Variants in PCDHGA5 observed in about 807,000 individuals in gnomAD.
PCDHGA5 encodes protocadherin gamma-A5.
PCDHGA5 carries 36 observed loss-of-function variants against 56.7 expected under a neutral mutation model. That is an observed-to-expected ratio of 0.64 (90% confidence interval 0.49 to 0.84). The LOEUF (loss-of-function observed/expected upper bound fraction) is 0.84. Among genes scored for constraint, PCDHGA5 ranks in the 40% least tolerant of loss-of-function variants. The pLI, the probability that PCDHGA5 is intolerant of heterozygous loss-of-function variation, is 0.00. For synonymous variants in PCDHGA5, 563 were observed against 520.2 expected, an observed-to-expected ratio of 1.08 and a Z score of -1.12; for missense variants, 1,305 against 1,201.5, an observed-to-expected ratio of 1.09 and a Z score of -1.27.
intron 1 of PCDHGA5, among the ~76,000 whole-genome samples, chr5:141,434,245 T>G (rs921135977): frequency 3.3e-5 from 5 of 152,224 alleles, no homozygotes; most frequent in African/African-American, 1.2e-4. Context: ...CTAGATGACT[T>G]GGGCATTGTG....
intron 1 of PCDHGA5, among the ~76,000 whole-genome samples, chr5:141,407,310 T>C (rs1468156890): frequency 6.6e-6 from 1 of 152,224 alleles, no homozygotes; most frequent in Non-Finnish European, 1.5e-5. Context: ...GTAGCCTTCA[T>C]ACTTAGTATT....
At chr5:141,395,140 C>T in intron 1 of PCDHGA5, 1 of 1,614,212 alleles carries the variant, frequency 6.2e-7, no homozygotes, top group Non-Finnish European at 8.5e-7. Flanking sequence ...CCCAACTACG[C>T]AGACATGCTC....
At position 141,431,549 on chromosome 5, in the gene PCDHGA5, G is replaced by A. The variant is rs750427346; in HGVS notation, c.2422-63258G>A. ...GGCCTTGGGCACGCAGCTGCTTGTA[G>A]TCAACGCTACCGACCCTGACGAAGG... On this transcript the variant is annotated intron_variant, in intron 1 of 3. Coordinates refer to ENST00000518069, the MANE Select transcript of PCDHGA5 (RefSeq NM_018918.3). This position sits in a 1 kb window ranked among gnomAD's most constrained non-coding sequence, Gnocchi z 4.8. The A allele has an allele frequency of 6.2e-7, 1 of 1,614,156 alleles. No homozygotes were observed. Among genetic ancestry groups the A allele is most frequent in the South Asian group, 1.1e-5 (1 of 91,090 alleles).
At chr5:141,375,802 T>A (rs754541889) in intron 1 of PCDHGA5, 3 of 1,614,190 alleles carry the variant, frequency 1.9e-6, no homozygotes, top group East Asian at 2.2e-5. Flanking sequence ...ACGGTTCCAC[T>A]GGCGTGGAGC....
chr5:141,384,425 C>T lies in PCDHGA5; in HGVS notation c.2421+17674C>T. ...GTGTCCTCCTATGTCTCCATAAACT[C>T]TGACACTGGAGTCCTGTACGCGCTG... On this transcript the variant is annotated intron_variant, in intron 1 of 3. Coordinates refer to ENST00000518069, the MANE Select transcript of PCDHGA5 (RefSeq NM_018918.3). 1.9e-6 allele frequency: 3 copies of T among 1,613,982 alleles called. No individual in the cohort carries two copies. The South Asian group carries it at 3.3e-5, about 18-fold the overall frequency.
intron 1 of PCDHGA5, among the ~76,000 whole-genome samples, chr5:141,481,259 C>T (rs1176419744): frequency 1.3e-5 from 2 of 152,146 alleles, no homozygotes; most frequent in African/African-American, 4.8e-5. Context: ...TCTAAAAGAT[C>T]ACTGTAGGAA....
chr5:141,477,861 G>T lies in PCDHGA5; in HGVS notation c.2422-16946G>T. 6.2e-7 allele frequency: 1 copy of T among 1,612,714 alleles called. No homozygotes were observed. Among genetic ancestry groups the T allele is most frequent in the Non-Finnish European group, 8.5e-7 (1 of 1,179,590 alleles). ...GGGAGCTCGGTGGAGATGCTGCCTC[G>T]AGGTACCTCAGCTGGCCACCTAGTG... On this transcript the variant is annotated intron_variant, in intron 1 of 3. Coordinates refer to ENST00000518069, the MANE Select transcript of PCDHGA5 (RefSeq NM_018918.3). This position sits in a 1 kb window ranked among gnomAD's most constrained non-coding sequence, Gnocchi z 4.9.
intron 1 of PCDHGA5, among the ~76,000 whole-genome samples, chr5:141,484,288 C>T (rs1300726429): frequency 6.6e-6 from 1 of 152,176 alleles, no homozygotes; most frequent in African/African-American, 2.4e-5. Context: ...AAACATCTCC[C>T]TCTCCTGGCT....
In PCDHGA5 at chr5:141,428,425, T is replaced by A. The variant is rs1193842204; in HGVS notation, c.2421+61674T>A. ...GGGTTGCTTTCACCCTGGTCTCTGT[T>A]CTAAGACTAGACCAGGGGTTTTTCC... On this transcript the variant is annotated intron_variant, in intron 1 of 3. Transcript: ENST00000518069. 4 of 436,598 alleles carry A rather than the reference T, an allele frequency of 9.2e-6. No homozygotes were observed. In the East Asian group the frequency reaches 1.9e-4, roughly 21 times the overall value. 27.0% of individuals were successfully genotyped at this position (436,598 alleles called of 1,614,324 possible). A position where few individuals can be genotyped will look rare whatever the true frequency, so the allele number is the denominator to read the frequency against.
At position 141,370,581 on chromosome 5, in the gene PCDHGA5, A is replaced by G. The variant is rs750222191; in HGVS notation, c.2421+3830A>G. 6.2e-6 allele frequency: 10 copies of G among 1,613,758 alleles called. No homozygotes were observed. The Admixed American group carries it at 1.0e-4, about 16-fold the overall frequency. ...GGGGTTTGGCGTGGGGGATTTACCT[A>G]CTAGGAACCTGCGGGTTATTGCAGA... On this transcript the variant is annotated intron_variant, in intron 1 of 3. Coordinates refer to ENST00000518069, the MANE Select transcript of PCDHGA5 (RefSeq NM_018918.3).
chr5:141,409,447 A>C, intron 1 of PCDHGA5: 1 of 1,614,008 alleles, frequency 6.2e-7, no homozygotes, highest in Non-Finnish European at 8.5e-7. Context: ...GAGAGCAGAC[A>C]CCAGAATACA....
At chr5:141,393,709 G>A (rs941272065) in intron 1 of PCDHGA5, 14 of 1,613,826 alleles carry the variant, frequency 8.7e-6, no homozygotes, top group Non-Finnish European at 9.3e-6. Context: ...GAAAATACTG[G>A]GGAAATATCA....
chr5:141,425,426 A>T (rs1227154364), intron 1 of PCDHGA5, among the ~76,000 whole-genome samples: 1 of 152,236 alleles, frequency 6.6e-6, no homozygotes, highest in African/African-American at 2.4e-5. Flanking sequence ...AGTCCCATTA[A>T]ATAGAGGATA....
Position 141,432,403 on chromosome 5 carries a change from G to A in PCDHGA5, c.2422-62404G>A, listed in dbSNP as rs1279890312. The A allele has an allele frequency of 6.2e-7, 1 of 1,614,242 alleles. No homozygotes were observed. The highest frequency in any genetic ancestry group is 8.5e-7 in the Non-Finnish European group (1 of 1,180,052). On this transcript the variant is annotated intron_variant, in intron 1 of 3. Coordinates refer to ENST00000518069, the MANE Select transcript of PCDHGA5 (RefSeq NM_018918.3). The surrounding 1 kb of genome is among the most constrained non-coding windows in gnomAD (Gnocchi z 6.0). ...CGCCCCTCAGCAGCAACGTGTCGTT[G>A]AGCCTGTTCGTGCTGGACCAGAACG...
At chr5:141,472,256 T>C (rs2099275290) in intron 1 of PCDHGA5, among the ~76,000 whole-genome samples, 1 of 152,176 alleles carries the variant, frequency 6.6e-6, no homozygotes, top group South Asian at 2.1e-4. Flanking sequence ...TAAAGTTATA[T>C]TATAGCCGGG....
chr5:141,427,881 C>T (rs774499492), intron 1 of PCDHGA5: 6 of 1,563,720 alleles, frequency 3.8e-6, no homozygotes, highest in South Asian at 3.3e-5. Context: ...GATGCAGGCC[C>T]ACGACCAGGG....
chr5:141,365,862 C>T lies in PCDHGA5; in HGVS notation c.1532C>T (p.Thr511Ile), dbSNP rs1424716310. 10 of 1,613,946 alleles carry T rather than the reference C, an allele frequency of 6.2e-6. No individual in the cohort carries two copies. Among genetic ancestry groups the T allele is most frequent in the African/African-American group, 4.0e-5 (3 of 74,926 alleles). Reference sequence around the variant, plus strand: ...TCCTATGTATCCATTAACTCTGACACCGGTGTCCTGTATGCTCTGAGATCC... The same window carrying T: ...TCCTATGTATCCATTAACTCTGACATCGGTGTCCTGTATGCTCTGAGATCC... ...LSSYVSINSD[T>I]GVLYALRSFD... Residue 511 changes from threonine (T) to isoleucine (I), a missense_variant, in exon 1 of 4, where the codon ACC (threonine) becomes ATC (isoleucine). By Grantham distance (89) the Thr-to-Ile change is moderately conservative (BLOSUM62 -1). Transcript: ENST00000518069.
At position 141,493,726 on chromosome 5, in the gene PCDHGA5, G is replaced by C. The variant is rs1032021616; in HGVS notation, c.2422-1081G>C. ...CTGGAATGCTAGGTTTCTGGGTTCT[G>C]CTCATATCACTGCCACCTGTGAGCC... On this transcript the variant is annotated intron_variant, in intron 1 of 3. Coordinates refer to ENST00000518069, the MANE Select transcript of PCDHGA5 (RefSeq NM_018918.3). This position sits in a 1 kb window ranked among gnomAD's most constrained non-coding sequence, Gnocchi z 4.3. Among the ~76,000 whole-genome samples, 2 of 152,154 alleles carry C rather than the reference G, an allele frequency of 1.3e-5. No individual in the cohort carries two copies. Among genetic ancestry groups the C allele is most frequent in the African/African-American group, 4.8e-5 (2 of 41,438 alleles).
chr5:141,446,043 A>T (rs1374577548), intron 1 of PCDHGA5, among the ~76,000 whole-genome samples: 2 of 152,226 alleles, frequency 1.3e-5, no homozygotes, highest in Non-Finnish European at 2.9e-5. Flanking sequence ...AAATGGAAGA[A>T]GAGCTGGCTT....
Sources: allele counts gnomAD v4.1 joint callset (sites outside exome capture counted in the v4.1 genomes callset), GRCh38; gene constraint gnomAD v4.1.1; non-coding constraint Gnocchi (gnomAD v3.1); transcripts MANE v1.5; gene names NCBI Gene and HGNC (gene_info 2026-07-23, HGNC 2026-07-21).